The following CFAP43 variants were observed in gnomAD, a reference collection of about 807,000 sequenced individuals.
The protein encoded by CFAP43 is cilia and flagella associated protein 43.
Under a neutral mutation model 218.9 loss-of-function variants are expected in CFAP43, and 155 were observed. That is an observed-to-expected ratio of 0.71 (90% confidence interval 0.62 to 0.81). The LOEUF (loss-of-function observed/expected upper bound fraction) is 0.81. Ranked by LOEUF, CFAP43 falls within the 30% of genes least tolerant of loss-of-function variation. The pLI is 0.00. For missense variants in CFAP43, 1,778 were observed against 1,954.3 expected, an observed-to-expected ratio of 0.91 and a Z score of 1.70; for synonymous variants, 645 against 681.3, an observed-to-expected ratio of 0.95 and a Z score of 0.83.
At chr10:104,172,339 G>T (rs1046760679) in intron 20 of CFAP43, 71 bp downstream of exon 20, 33 of 1,550,052 alleles carry the variant, frequency 2.1e-5, no homozygotes, top group Non-Finnish European at 2.9e-5. Flanking sequence ...TTATGAAAAA[G>T]TTCCCATTCC....
chr10:104,197,061 ATACT>A (rs1395293323), intron 9 of CFAP43, 128 bp from the exon 10 acceptor site: 2 of 632,670 alleles, frequency 3.2e-6, no homozygotes, highest in Non-Finnish European at 5.3e-6. Context: ...TGGATTATAA[ATACT>A]TATTTTATCA....
chr10:104,170,199 G>GA lies in CFAP43; in HGVS notation c.2587-1352dup, dbSNP rs200039615. Among the ~76,000 whole-genome samples the GA allele has an allele frequency of 7.0e-3, 1,036 of 148,018 alleles. 14 individuals carry two copies. The highest frequency in any genetic ancestry group is 0.022 in the African/African-American group (890 of 39,790). ...ATCTCTTCAAAGGCACAGAGCTCAA[G>GA]AAAAAAAAATAAACAATATGAGGGA... On this transcript the variant is annotated intron_variant, in intron 20 of 37. Coordinates refer to ENST00000357060, the MANE Select transcript of CFAP43 (RefSeq NM_025145.7).
chr10:104,207,199 T>C (rs1040234077), intron 6 of CFAP43, among the ~76,000 whole-genome samples: 1 of 151,892 alleles, frequency 6.6e-6, no homozygotes, highest in African/African-American at 2.4e-5. Flanking sequence ...ACAACACCTC[T>C]AACCGAGCAA....
chr10:104,153,817 C>G (rs1224993906), intron 27 of CFAP43, among the ~76,000 whole-genome samples: 2 of 151,386 alleles, frequency 1.3e-5, no homozygotes, highest in East Asian at 3.9e-4. Context: ...CCCTCTGCCC[C>G]CTACCTATCT....
At chr10:104,211,070 C>T (rs929294668) in intron 5 of CFAP43, among the ~76,000 whole-genome samples, 3 of 152,088 alleles carry the variant, frequency 2.0e-5, no homozygotes, top group African/African-American at 7.2e-5. Context: ...ACTCTTTATC[C>T]TGCTTGTAAC....
rs753300178 is a variant in CFAP43, at chr10:104,196,904, AAC to A, written c.1240_1241del (p.Val414LeufsTer46). The A allele has an allele frequency of 8.7e-6, 14 of 1,613,346 alleles. No individual in the cohort carries two copies. The South Asian group carries it at 1.5e-4, about 18-fold the overall frequency. The stretch of plus-strand genomic sequence containing the variant: ...CACAAGCACAATCCTCCAGCCACCA[AAC>A]ACAAATTTCCCCTGAATATGTAAGT... ...MTLTYSGEIC[V>X]WWLEDCACVS... On this transcript the variant is annotated frameshift_variant, in exon 10 of 38. Coordinates refer to ENST00000357060, the MANE Select transcript of CFAP43 (RefSeq NM_025145.7). LOFTEE classifies it high-confidence loss of function.
At chr10:104,180,492 C>G (rs1305038053) in intron 17 of CFAP43, among the ~76,000 whole-genome samples, 1 of 146,214 alleles carries the variant, frequency 6.8e-6, no homozygotes, top group Non-Finnish European at 1.5e-5. Flanking sequence ...GTCACCCAGG[C>G]TGGAGTGCAG....
rs748736457 is a variant in CFAP43 at position 104,214,369 on chromosome 10, G to A, written c.474C>T (p.Asn158=). ...AGTTCATGGGGTTAAAAGACATTTG[G>A]TTCACATCCATTCCAGGCTGTGATT... The part of the protein sequence containing the change: ...CKKSQPGMDV[N]QMSFNPMNWR... The change falls in exon 4 of 38, where the codon AAC becomes AAT. Residue 158 remains asparagine, a synonymous_variant. Transcript: ENST00000357060. The A allele has an allele frequency of 6.2e-7, 1 of 1,609,876 alleles. No individual in the cohort carries two copies. Among genetic ancestry groups the A allele is most frequent in the South Asian group, 1.1e-5 (1 of 90,462 alleles).
intron 16 of CFAP43, among the ~76,000 whole-genome samples, chr10:104,182,965 C>A (rs940917335): frequency 6.6e-6 from 1 of 152,118 alleles, no homozygotes; most frequent in Non-Finnish European, 1.5e-5. Context: ...TCTCCTCACA[C>A]TGTCCTCATA....
intron 34 of CFAP43, among the ~76,000 whole-genome samples, chr10:104,136,052 C>T (rs1337896583): frequency 1.3e-5 from 2 of 151,768 alleles, no homozygotes; most frequent in African/African-American, 2.4e-5. Context: ...GAGTTTGAGA[C>T]CAGCCTGGCC....
At chr10:104,151,892 T>A (rs754508229) in intron 28 of CFAP43, among the ~76,000 whole-genome samples, 11 of 152,178 alleles carry the variant, frequency 7.2e-5, no homozygotes, top group Non-Finnish European at 1.0e-4. Flanking sequence ...TTTAAGTAGA[T>A]CATTATTCTA....
chr10:104,160,816 A>G (rs1297648875), intron 27 of CFAP43, among the ~76,000 whole-genome samples: 1 of 152,222 alleles, frequency 6.6e-6, no homozygotes, highest in Admixed American at 6.5e-5. Context: ...GCTGAAATCA[A>G]TAACAGCTTT....
At chr10:104,204,110 G>A (rs1032006569) in intron 7 of CFAP43, among the ~76,000 whole-genome samples, 1 of 152,162 alleles carries the variant, frequency 6.6e-6, no homozygotes, top group Non-Finnish European at 1.5e-5. Flanking sequence ...ACAGGAGGTA[G>A]GAAAAATGAA....
At chr10:104,168,693 C>T in intron 21 of CFAP43, 51 bp downstream of exon 21, 1 of 1,452,726 alleles carries the variant, frequency 6.9e-7, no homozygotes, top group Non-Finnish European at 9.6e-7. Context: ...CTTTCCTGAG[C>T]TTTTGATGAC....
At chr10:104,135,482 A>T (rs74154740) in intron 34 of CFAP43, among the ~76,000 whole-genome samples, 1,529 of 152,332 alleles carry the variant, frequency 0.01, 21 homozygotes, top group African/African-American at 0.032. Context: ...AGAGAAAGTC[A>T]TATAGAATCC....
chr10:104,187,218 G>GA lies in CFAP43; in HGVS notation c.1860+101dup, dbSNP rs1210289412. 4 of 919,458 alleles carry GA rather than the reference G, an allele frequency of 4.4e-6. No homozygotes were observed. In the African/African-American group the frequency reaches 6.9e-5, roughly 16 times the overall value. 57.0% of individuals were successfully genotyped at this position (919,458 alleles called of 1,614,324 possible). On this transcript the variant is annotated intron_variant, in intron 14 of 37. Transcript: ENST00000357060. The stretch of plus-strand genomic sequence containing the variant: ...AATAAAATGAAGGCATTTGTTAACT[G>GA]AACTATTCTGTTAAAGTGGTCAAGA...
chr10:104,131,557 T>G, intron 36 of CFAP43, 73 bp from the exon 37 acceptor site: 2 of 1,445,834 alleles, frequency 1.4e-6, no homozygotes, highest in African/African-American at 2.9e-5. Flanking sequence ...AAAGACATTA[T>G]TCTTATATTT....
chr10:104,182,381 G>A lies in CFAP43; in HGVS notation c.2274C>T (p.Ser758=), dbSNP rs759343097. 5.0e-6 allele frequency: 8 copies of A among 1,605,842 alleles called. No homozygotes were observed. The highest frequency in any genetic ancestry group is 1.7e-5 in the Admixed American group (1 of 58,326). ...TTPKVSVDLG[S]DSEHTKQKAS... ...GGAACTCAACTGTGTGTTCAGAATC[G>A]GATCCCAAATCTACGGAAACTTTTG... The change falls in exon 17 of 38, where the codon TCC becomes TCT. Residue 758 remains serine (S), a synonymous_variant. Transcript: ENST00000357060.
At chr10:104,194,434 G>A (rs1182732557) in intron 10 of CFAP43, among the ~76,000 whole-genome samples, 1 of 151,988 alleles carries the variant, frequency 6.6e-6, no homozygotes, top group Non-Finnish European at 1.5e-5. Context: ...ATTTATTAGC[G>A]ATGGGGTCTT....
Sources: allele counts gnomAD v4.1 joint callset (sites outside exome capture counted in the v4.1 genomes callset), GRCh38; gene constraint gnomAD v4.1.1; transcripts MANE v1.5; gene names NCBI Gene and HGNC (gene_info 2026-07-23, HGNC 2026-07-21).